Variants in ZFAT observed in about 807,000 individuals in gnomAD.
The protein encoded by ZFAT is zinc finger and AT-hook domain containing.
Under a neutral mutation model 117.7 loss-of-function variants are expected in ZFAT, and 64 were observed. The ratio of observed to expected loss-of-function variants is 0.54; its 90% CI spans 0.44 to 0.67. ZFAT has a LOEUF of 0.67. ZFAT is among the 30% of genes least tolerant of loss of function. ZFAT has a pLI of 0.00. For synonymous variants in ZFAT, 679 were observed against 615.0 expected, an observed-to-expected ratio of 1.10 and a Z score of -1.54; for missense variants, 1,433 against 1,584.5, an observed-to-expected ratio of 0.90 and a Z score of 1.62.
At chr8:134,488,110 G>A (rs1817781866) in intron 15 of ZFAT, among the ~76,000 whole-genome samples, 1 of 152,224 alleles carries the variant, frequency 6.6e-6, no homozygotes, top group African/African-American at 2.4e-5. Flanking sequence ...GCGGTTCCAG[G>A]GGGACGTCTA....
At chr8:134,716,191 A>ATG (rs1814210190), upstream of ZFAT, among the ~76,000 whole-genome samples, 1 of 151,608 alleles carries the variant, frequency 6.6e-6, no homozygotes, top group Non-Finnish European at 1.5e-5. Flanking sequence ...ACATATATAT[A>ATG]TATATGCATA....
chr8:134,567,921 C>T (rs987529496), intron 10 of ZFAT, among the ~76,000 whole-genome samples: 2 of 152,204 alleles, frequency 1.3e-5, no homozygotes, highest in African/African-American at 4.8e-5. Flanking sequence ...CAAGAGGCAG[C>T]CCTCCATAGG....
the ZFAT span, chr8:134,766,173 C>A: frequency 1.3e-5 from 2 of 152,132 alleles, no homozygotes; most frequent in Admixed American, 1.3e-4. Flanking sequence ...ATGAATGCAA[C>A]TTGAGACCAA....
At chr8:134,653,285 AAAAAAAC>A (rs1298520177) in intron 2 of ZFAT, among the ~76,000 whole-genome samples, 4 of 115,850 alleles carry the variant, frequency 3.5e-5, no homozygotes, top group South Asian at 2.4e-4. Context: ...AAAAAAAAAA[AAAAAAAC>A]AAAAAACAGG....
chr8:134,665,064 C>T (rs918394988), intron 1 of ZFAT, among the ~76,000 whole-genome samples: 2 of 152,208 alleles, frequency 1.3e-5, no homozygotes, highest in Non-Finnish European at 2.9e-5. Flanking sequence ...CAAGAACAGC[C>T]AGGTCCTGTC....
chr8:134,743,462 C>G, the ZFAT span, among the ~76,000 whole-genome samples: 9 of 151,846 alleles, frequency 5.9e-5, no homozygotes, highest in African/African-American at 2.2e-4. Context: ...GCACTCCAGC[C>G]TGGGCGACAG....
At chr8:134,568,252 G>A (rs956756456) in intron 10 of ZFAT, among the ~76,000 whole-genome samples, 1 of 152,188 alleles carries the variant, frequency 6.6e-6, no homozygotes, top group African/African-American at 2.4e-5. Context: ...AGCCCAAAGT[G>A]TAAGGAAACT....
intron 1 of ZFAT, among the ~76,000 whole-genome samples, chr8:134,669,669 C>CAA (rs1323166238): frequency 5.3e-5 from 8 of 152,176 alleles, no homozygotes; most frequent in Non-Finnish European, 8.8e-5. Context: ...TAAAGACCAT[C>CAA]GCTGCTAGGA....
intron 13 of ZFAT, among the ~76,000 whole-genome samples, chr8:134,513,727 A>C (rs1218960145): frequency 1.3e-5 from 2 of 152,218 alleles, no homozygotes; most frequent in East Asian, 3.9e-4. Context: ...CAAGAAGAAC[A>C]AAAAGAAGGA....
chr8:134,680,177 G>A (rs61644360), intron 1 of ZFAT, among the ~76,000 whole-genome samples: 2,344 of 149,622 alleles, frequency 0.016, 67 homozygotes, highest in African/African-American at 0.055. Flanking sequence ...CAGGAGAATC[G>A]CTTGAACCCT....
intron 5 of ZFAT, 100 bp downstream of exon 5, chr8:134,608,629 G>C: frequency 7.0e-7 from 1 of 1,428,198 alleles, no homozygotes; most frequent in East Asian, 2.5e-5. Context: ...AAGTTTATAA[G>C]CAGAATCCAA....
At chr8:134,489,180 A>G (rs1374912781) in intron 15 of ZFAT, among the ~76,000 whole-genome samples, 1 of 152,110 alleles carries the variant, frequency 6.6e-6, no homozygotes, top group East Asian at 1.9e-4. Flanking sequence ...CCTGAGGTGT[A>G]GGAGGGGACT....
At chr8:134,816,943 C>T in the ZFAT span, among the ~76,000 whole-genome samples, 773 of 149,278 alleles carry the variant, frequency 5.2e-3, 5 homozygotes, top group Admixed American at 6.9e-3. Context: ...ATCATGCCAC[C>T]GCACTCCTGC....
the ZFAT span, among the ~76,000 whole-genome samples, chr8:134,750,464 T>G: frequency 2.0e-5 from 3 of 152,210 alleles, no homozygotes; most frequent in African/African-American, 7.2e-5. Context: ...TTTCACTGGA[T>G]AGGCCCTCCA....
At chr8:134,695,941 C>G (rs895098568) in intron 1 of ZFAT, among the ~76,000 whole-genome samples, 1 of 151,672 alleles carries the variant, frequency 6.6e-6, no homozygotes, top group African/African-American at 2.4e-5. Flanking sequence ...AGGCCCTACC[C>G]GCATCTCTAA....
chr8:134,715,775 G>T (rs1563783725), upstream of ZFAT, among the ~76,000 whole-genome samples: 1 of 152,172 alleles, frequency 6.6e-6, no homozygotes, highest in African/African-American at 2.4e-5. Flanking sequence ...TTATCGACAT[G>T]AAATGGTATT....
chr8:134,736,649 G>A, the ZFAT span, among the ~76,000 whole-genome samples: 1 of 152,064 alleles, frequency 6.6e-6, no homozygotes, highest in Non-Finnish European at 1.5e-5. Context: ...AGTATGGAGT[G>A]CAGTGGTGCA....
the ZFAT span, among the ~76,000 whole-genome samples, chr8:134,801,564 G>A: frequency 3.3e-5 from 5 of 152,034 alleles, no homozygotes; most frequent in African/African-American, 4.8e-5. Context: ...TGGTTCTCAA[G>A]ATTAAATACA....
the ZFAT span, among the ~76,000 whole-genome samples, chr8:134,724,974 C>A: frequency 0.025 from 3,788 of 152,246 alleles, 144 homozygotes; most frequent in African/African-American, 0.086. Context: ...GCAGTTGCAC[C>A]TCTGCAGGTT....
Sources: allele counts gnomAD v4.1 joint callset (sites outside exome capture counted in the v4.1 genomes callset), GRCh38; gene constraint gnomAD v4.1.1; transcripts MANE v1.5; gene names NCBI Gene and HGNC (gene_info 2026-07-23, HGNC 2026-07-21).